Variants in MEGF9 observed in about 807,000 individuals in gnomAD.
The protein encoded by MEGF9 is multiple EGF like domains 9, also known as multiple epidermal growth factor-like domains protein 9.
In MEGF9, 6 loss-of-function variants were observed where a neutral mutation model predicts 46.8. The ratio of observed to expected loss-of-function variants is 0.13; its 90% CI spans 0.07 to 0.25. The LOEUF is 0.25. MEGF9 is among the 10% of genes least tolerant of loss of function. The probability of loss-of-function intolerance (pLI) is 1.00; values close to 1 mark genes in which losing one functional copy is unlikely to be tolerated. For synonymous variants in MEGF9, 302 were observed against 330.7 expected, an observed-to-expected ratio of 0.91 and a Z score of 0.94; for missense variants, 683 against 792.4, an observed-to-expected ratio of 0.86 and a Z score of 1.66.
rs760837508 is a variant in MEGF9 at position 120,612,521 on chromosome 9, T to A, written c.962A>T (p.Gln321Leu). The change falls in exon 4 of 6, where the codon CAG becomes CTG. Residue 321 changes from glutamine (Q) to leucine (L), a missense_variant. Physicochemically the swap from Gln to Leu is moderately radical, Grantham distance 113. Transcript: ENST00000373930. ...DALTGACLNCQENSKGNHCEE... is the reference protein window; with the variant it reads ...DALTGACLNCLENSKGNHCEE... ...ACAGTGATTTCCTTTGCTATTTTCC[T>A]GGCAGTTTAAACAAGCACCTAAAAG... 1 of 1,611,936 alleles carries A rather than the reference T, an allele frequency of 6.2e-7. No individual in the cohort carries two copies. The highest frequency in any genetic ancestry group is 2.2e-5 in the East Asian group (1 of 44,856).
intron 3 of MEGF9, among the ~76,000 whole-genome samples, chr9:120,621,149 G>GT (rs2043497759): frequency 6.6e-6 from 1 of 152,114 alleles, no homozygotes. Flanking sequence ...CCTAAATGTG[G>GT]TTTTCTTTGT....
chr9:120,621,990 C>T (rs765298931), intron 3 of MEGF9, among the ~76,000 whole-genome samples: 13 of 152,142 alleles, frequency 8.5e-5, no homozygotes, highest in Non-Finnish European at 1.8e-4. Flanking sequence ...ACTGCATGCA[C>T]CCTCAGAGTC....
At chr9:120,686,309 A>G (rs1246728390) in intron 1 of MEGF9, among the ~76,000 whole-genome samples, 1 of 151,854 alleles carries the variant, frequency 6.6e-6, no homozygotes, top group Admixed American at 6.6e-5. Flanking sequence ...CAATCTCCTA[A>G]CCTCGTGATC....
intron 1 of MEGF9, among the ~76,000 whole-genome samples, chr9:120,659,801 G>A (rs867295025): frequency 1.3e-5 from 2 of 150,926 alleles, no homozygotes; most frequent in African/African-American, 4.9e-5. Context: ...GTGTGTGTGT[G>A]TGTGTGTGTG....
At chr9:120,655,320 C>T (rs1443228907) in intron 2 of MEGF9, among the ~76,000 whole-genome samples, 1 of 152,026 alleles carries the variant, frequency 6.6e-6, no homozygotes, top group Non-Finnish European at 1.5e-5. Flanking sequence ...AAATATTTAC[C>T]ATTGTACTAA....
chr9:120,642,193 C>A (rs1244104486), intron 2 of MEGF9, among the ~76,000 whole-genome samples: 1 of 152,178 alleles, frequency 6.6e-6, no homozygotes, highest in East Asian at 1.9e-4. Context: ...ATACTCTTAA[C>A]AATTTTTATT....
intron 3 of MEGF9, among the ~76,000 whole-genome samples, chr9:120,620,507 A>G (rs1302909977): frequency 6.6e-6 from 1 of 152,226 alleles, no homozygotes; most frequent in Admixed American, 6.5e-5. Context: ...ATATACAATT[A>G]CAAACTGTGA....
intron 1 of MEGF9, among the ~76,000 whole-genome samples, chr9:120,681,306 T>A (rs948225315): frequency 6.6e-6 from 1 of 151,990 alleles, no homozygotes; most frequent in Non-Finnish European, 1.5e-5. Flanking sequence ...TGGCACAGGG[T>A]GTGTCTAGAA....
intron 1 of MEGF9, among the ~76,000 whole-genome samples, chr9:120,663,143 C>T (rs1444132130): frequency 6.6e-6 from 1 of 152,126 alleles, no homozygotes; most frequent in Non-Finnish European, 1.5e-5. Context: ...CAGAAAGGCA[C>T]TATCATGTTA....
chr9:120,673,018 C>T (rs1377709835), intron 1 of MEGF9, among the ~76,000 whole-genome samples: 1 of 151,336 alleles, frequency 6.6e-6, no homozygotes, highest in Admixed American at 6.6e-5. Flanking sequence ...GGCAAAACTC[C>T]GTCTCAAAAA....
chr9:120,642,390 C>T (rs2043607113), intron 2 of MEGF9, among the ~76,000 whole-genome samples: 1 of 152,198 alleles, frequency 6.6e-6, no homozygotes, highest in African/African-American at 2.4e-5. Context: ...TGGGAAGAGA[C>T]TTGGAGCCGG....
At chr9:120,615,231 C>T (rs1281944342) in intron 3 of MEGF9, among the ~76,000 whole-genome samples, 2 of 149,822 alleles carry the variant, frequency 1.3e-5, no homozygotes, top group Non-Finnish European at 3.0e-5. Context: ...AAGAGTGAAA[C>T]TCCTTTTCAA....
chr9:120,619,790 T>C (rs1439545589), intron 3 of MEGF9, among the ~76,000 whole-genome samples: 1 of 152,224 alleles, frequency 6.6e-6, no homozygotes, highest in Non-Finnish European at 1.5e-5. Context: ...TACTGTCAAA[T>C]TGCTTTCCAA....
chr9:120,648,904 C>G lies in MEGF9; in HGVS notation c.803+10470G>C, dbSNP rs141090337. ...TTACTTCATAAGTTTGCCTTTTAAC[C>G]TGAGGCACATTCCCACAATTAAAAT... On this transcript the variant is annotated intron_variant, in intron 2 of 5. Coordinates refer to ENST00000373930, the MANE Select transcript of MEGF9 (RefSeq NM_001080497.3). Among the ~76,000 whole-genome samples, 321 of 152,216 alleles carry G rather than the reference C, an allele frequency of 2.1e-3. 1 individual carries two copies. The highest frequency in any genetic ancestry group is 7.3e-3 in the African/African-American group (302 of 41,536).
chr9:120,639,897 T>C (rs1257197861), intron 2 of MEGF9, among the ~76,000 whole-genome samples: 1 of 152,230 alleles, frequency 6.6e-6, no homozygotes, highest in Admixed American at 6.5e-5. Flanking sequence ...TCCTAATAGA[T>C]AGCCAAAACT....
chr9:120,682,590 C>CAT (rs397824695), intron 1 of MEGF9, among the ~76,000 whole-genome samples: 54 of 151,982 alleles, frequency 3.6e-4, no homozygotes, highest in South Asian at 1.9e-3. Flanking sequence ...CACACACACA[C>CAT]GCACACACAT....
intron 1 of MEGF9, among the ~76,000 whole-genome samples, chr9:120,706,461 A>T (rs1476583704): frequency 6.6e-6 from 1 of 152,218 alleles, no homozygotes; most frequent in Non-Finnish European, 1.5e-5. Context: ...TCTCCATCAC[A>T]GAAAAACTTA....
At chr9:120,697,784 C>T (rs1251235187) in intron 1 of MEGF9, among the ~76,000 whole-genome samples, 2 of 152,044 alleles carry the variant, frequency 1.3e-5, no homozygotes, top group Non-Finnish European at 2.9e-5. Context: ...ACAGTAGCTA[C>T]TGAAAGCGAA....
chr9:120,678,012 A>C (rs1047776522), intron 1 of MEGF9, among the ~76,000 whole-genome samples: 1 of 152,198 alleles, frequency 6.6e-6, no homozygotes, highest in Non-Finnish European at 1.5e-5. Flanking sequence ...AGGTCCCACA[A>C]ATAAGTGAGA....
Sources: gnomAD v4.1 joint callset for allele counts (sites outside exome capture counted in the v4.1 genomes callset) on GRCh38, gnomAD v4.1.1 for gene constraint, MANE v1.5 for transcripts, NCBI Gene and HGNC (gene_info 2026-07-23, HGNC 2026-07-21) for gene names.